Variants in LCLAT1 observed in about 807,000 individuals in gnomAD.
LCLAT1 encodes 1-AGP acyltransferase 8.
A neutral mutation model predicts 30.7 loss-of-function variants in LCLAT1; 11 were observed. The observed-to-expected ratio is 0.36, with a 90% confidence interval of 0.23 to 0.59. LCLAT1 has a LOEUF of 0.59. Among genes scored for constraint, LCLAT1 ranks in the 20% least tolerant of loss-of-function variants. The pLI is 0.77. For missense variants in LCLAT1, 402 were observed against 458.6 expected, an observed-to-expected ratio of 0.88 and a Z score of 1.13; for synonymous variants, 155 against 151.3, an observed-to-expected ratio of 1.02 and a Z score of -0.18.
chr2:30,590,395 G>A (rs1168951952), intron 5 of LCLAT1, among the ~76,000 whole-genome samples: 4 of 150,904 alleles, frequency 2.7e-5, no homozygotes, highest in South Asian at 2.1e-4. Context: ...TAGATGGCAG[G>A]GAAATCACTT....
At position 30,609,347 on chromosome 2, in the gene LCLAT1, G is replaced by C. The variant is rs563782147; in HGVS notation, c.629-30770G>C. Reference sequence around the variant, plus strand: ...TGGTCTCCATTTTCTTTTGTTAATTGTATAATTATGTTTTACATTTCAGCT... The same window carrying C: ...TGGTCTCCATTTTCTTTTGTTAATTCTATAATTATGTTTTACATTTCAGCT... On this transcript the variant is annotated intron_variant, in intron 5 of 5. Coordinates refer to ENST00000379509, the MANE Select transcript of LCLAT1 (RefSeq NM_001002257.3). Among the ~76,000 whole-genome samples, 7 of 152,138 alleles carry C rather than the reference G, an allele frequency of 4.6e-5. No homozygotes were observed. The South Asian group carries it at 1.5e-3, about 32-fold the overall frequency.
intron 5 of LCLAT1, among the ~76,000 whole-genome samples, chr2:30,631,800 T>C (rs1321088949): frequency 6.6e-6 from 1 of 152,226 alleles, no homozygotes; most frequent in East Asian, 1.9e-4. Flanking sequence ...GTACTGTTAA[T>C]AGCTAGGCAC....
intron 1 of LCLAT1, among the ~76,000 whole-genome samples, chr2:30,458,745 A>G (rs1047416722): frequency 2.0e-5 from 3 of 152,162 alleles, no homozygotes; most frequent in Non-Finnish European, 4.4e-5. Flanking sequence ...TACTGGTCCA[A>G]GGGAAAACCT....
intron 5 of LCLAT1, among the ~76,000 whole-genome samples, chr2:30,571,742 T>G (rs1328913527): frequency 6.6e-6 from 1 of 152,220 alleles, no homozygotes; most frequent in East Asian, 1.9e-4. Context: ...TCATACAGCC[T>G]TTTATTGCTG....
intron 5 of LCLAT1, among the ~76,000 whole-genome samples, chr2:30,633,750 GGAGA>G (rs1469725503): frequency 6.6e-6 from 1 of 152,150 alleles, no homozygotes; most frequent in Non-Finnish European, 1.5e-5. Flanking sequence ...ATTGTGGAAT[GGAGA>G]AAGAAAAATT....
chr2:30,598,465 G>A (rs193193822), intron 5 of LCLAT1, among the ~76,000 whole-genome samples: 178 of 149,480 alleles, frequency 1.2e-3, no homozygotes, highest in Non-Finnish European at 1.8e-3. Context: ...TCTGATGGTC[G>A]TTTGTATTTC....
At chr2:30,634,493 G>A (rs971731902) in intron 5 of LCLAT1, among the ~76,000 whole-genome samples, 1 of 152,190 alleles carries the variant, frequency 6.6e-6, no homozygotes, top group Non-Finnish European at 1.5e-5. Context: ...GGGCGTGGTG[G>A]TGTGCGTCTG....
rs1394374167 is a variant in LCLAT1, at chr2:30,643,543, T to C, written c.*2924T>C. On this transcript the variant is annotated 3_prime_UTR_variant, in exon 6 of 6. Transcript: ENST00000379509. ...ATTCAAGGGAAATACCAGCTTCCAC[T>C]TGAGTCACTTTGAAATAGTTAATTC... is the stretch of plus-strand genomic sequence containing the variant. The C allele has an allele frequency of 1.3e-5, 2 of 152,514 alleles. No homozygotes were observed. The highest frequency in any genetic ancestry group is 1.3e-4 in the Admixed American group (2 of 15,270). The allele number at this position is 152,514 out of a possible 1,614,324, so 9.4% of individuals were successfully genotyped here.
chr2:30,497,970 A>C (rs1185427674), intron 1 of LCLAT1, among the ~76,000 whole-genome samples: 1 of 152,208 alleles, frequency 6.6e-6, no homozygotes, highest in Non-Finnish European at 1.5e-5. Context: ...ATTTGGAGTT[A>C]AATGGATGTA....
intron 5 of LCLAT1, among the ~76,000 whole-genome samples, chr2:30,615,227 G>A (rs1315490344): frequency 6.6e-6 from 1 of 152,140 alleles, no homozygotes. Flanking sequence ...GTAGGCAAGA[G>A]CAGGTGAGAT....
chr2:30,604,766 A>T (rs956269327), intron 5 of LCLAT1, among the ~76,000 whole-genome samples: 5 of 152,096 alleles, frequency 3.3e-5, no homozygotes, highest in African/African-American at 1.2e-4. Flanking sequence ...CCGTGCTTTA[A>T]TATTTGAAGG....
At chr2:30,494,047 A>C (rs983574063) in intron 1 of LCLAT1, among the ~76,000 whole-genome samples, 2 of 151,846 alleles carry the variant, frequency 1.3e-5, no homozygotes, top group South Asian at 4.1e-4. Context: ...ATAAATAATA[A>C]ATAAAATAGA....
At chr2:30,619,350 C>T (rs1668139238) in intron 5 of LCLAT1, among the ~76,000 whole-genome samples, 1 of 152,204 alleles carries the variant, frequency 6.6e-6, no homozygotes, top group Non-Finnish European at 1.5e-5. Context: ...ATAGCATTCT[C>T]TTTTGGATTC....
In LCLAT1 at chr2:30,464,540, C is replaced by T. The variant is rs1682323781; in HGVS notation, c.-5+17157C>T. On this transcript the variant is annotated intron_variant, in intron 1 of 5. Coordinates refer to ENST00000379509, the MANE Select transcript of LCLAT1 (RefSeq NM_001002257.3). ...TGCCAACAAAAAGACCCCTTCTTACCAATGTAGAAGAGAAAGAACGCTCTG... is the reference window on the plus strand; with the variant it reads ...TGCCAACAAAAAGACCCCTTCTTACTAATGTAGAAGAGAAAGAACGCTCTG... Among the ~76,000 whole-genome samples the T allele has an allele frequency of 2.6e-5, 4 of 152,256 alleles. 1 individual carries two copies. In the South Asian group the frequency reaches 8.3e-4, roughly 32 times the overall value.
chr2:30,540,528 A>G (rs1405167214), intron 3 of LCLAT1, among the ~76,000 whole-genome samples: 1 of 152,232 alleles, frequency 6.6e-6, no homozygotes, highest in Non-Finnish European at 1.5e-5. Flanking sequence ...AAATCAATTT[A>G]TATGTCAAAC....
At chr2:30,505,558 A>G (rs115816294) in intron 1 of LCLAT1, among the ~76,000 whole-genome samples, 1,546 of 152,210 alleles carry the variant, frequency 0.01, 24 homozygotes, top group African/African-American at 0.035. Context: ...CATAACATAC[A>G]TATAGAGAAG....
At chr2:30,509,762 G>T (rs548702754) in intron 1 of LCLAT1, among the ~76,000 whole-genome samples, 11 of 151,928 alleles carry the variant, frequency 7.2e-5, no homozygotes, top group Non-Finnish European at 1.5e-4. Context: ...GTGGGGTTTT[G>T]CATGTTGGTC....
intron 1 of LCLAT1, among the ~76,000 whole-genome samples, chr2:30,494,675 T>C (rs115251915): frequency 7.1e-6 from 1 of 139,990 alleles, no homozygotes; most frequent in African/African-American, 2.9e-5. Flanking sequence ...TTCTTTTACT[T>C]TTTTTTTTTT....
At chr2:30,588,343 C>G (rs980050380) in intron 5 of LCLAT1, among the ~76,000 whole-genome samples, 5 of 152,204 alleles carry the variant, frequency 3.3e-5, no homozygotes, top group Non-Finnish European at 7.3e-5. Flanking sequence ...CTCTCCTCTC[C>G]TGTCCTTTTT....
Sources: allele counts gnomAD v4.1 joint callset (sites outside exome capture counted in the v4.1 genomes callset), GRCh38; gene constraint gnomAD v4.1.1; transcripts MANE v1.5; gene names NCBI Gene and HGNC (gene_info 2026-07-23, HGNC 2026-07-21).